The following TLR3 variants were observed in gnomAD, a reference collection of about 807,000 sequenced individuals.
TLR3 encodes toll like receptor 3, also known as toll-like receptor 3.
Under a neutral mutation model 66.4 loss-of-function variants are expected in TLR3, and 43 were observed. That is an observed-to-expected ratio of 0.65 (90% CI 0.51 to 0.83). The LOEUF is 0.83. TLR3 is among the 40% of genes least tolerant of loss of function. The pLI is 0.00. For synonymous variants in TLR3, 397 were observed against 397.2 expected (o/e 1.00, Z 0.01); for missense variants, 982 against 1,044.6 (o/e 0.94, Z 0.83).
rs2099304496 is a variant in TLR3 at position 186,087,208 on chromosome 4, A to G, written c.*2335A>G. Reference sequence around the variant, plus strand: ...CAGACCCCATTCTCCTGCCTCAGATATATCAATGACATATTCAATACATCA... The same window carrying G: ...CAGACCCCATTCTCCTGCCTCAGATGTATCAATGACATATTCAATACATCA... On this transcript the variant is annotated 3_prime_UTR_variant, in exon 5 of 5. Transcript: ENST00000296795. The G allele has an allele frequency of 6.6e-6, 1 of 152,214 alleles. No homozygotes were observed. Among genetic ancestry groups the G allele is most frequent in the Non-Finnish European group, 1.5e-5 (1 of 68,046 alleles). 9.4% of individuals were successfully genotyped at this position (152,214 alleles called of 1,614,324 possible).
Position 186,087,791 on chromosome 4 carries a change from C to A in TLR3, c.*2918C>A, listed in dbSNP as rs1349792817. 6.6e-6 allele frequency: 1 copy of A among 152,048 alleles called. No individual in the cohort carries two copies. The highest frequency in any genetic ancestry group is 2.4e-5 in the African/African-American group (1 of 41,394). 9.4% of individuals were successfully genotyped at this position (152,048 alleles called of 1,614,324 possible). On this transcript the variant is annotated 3_prime_UTR_variant, in exon 5 of 5. Transcript: ENST00000296795. ...GTGACCATTGAAAAATGTAAAGGGG[C>A]TTCAAATCAAGAACTTAGAAGGAAT...
intron 2 of TLR3, among the ~76,000 whole-genome samples, chr4:186,078,209 C>G (rs1343835011): frequency 6.6e-6 from 1 of 152,102 alleles, no homozygotes; most frequent in African/African-American, 2.4e-5. Context: ...TATCGCTTTC[C>G]CTTACCTTTT....
intron 3 of TLR3, among the ~76,000 whole-genome samples, chr4:186,079,623 T>C (rs1579728803): frequency 1.3e-5 from 2 of 152,138 alleles, no homozygotes; most frequent in East Asian, 1.9e-4. Context: ...TATAATGAAG[T>C]CAGCTTAAAT....
In TLR3 at chr4:186,086,860, A is replaced by G. The variant is rs1168897344; in HGVS notation, c.*1987A>G. On this transcript the variant is annotated 3_prime_UTR_variant, in exon 5 of 5. Transcript: ENST00000296795. ...AGGAATTGGACAAAATGCACAAAGA[A>G]TGAGGCGACAAAAGCAGAGGTTTAT... 1 of 152,218 alleles carries G rather than the reference A, an allele frequency of 6.6e-6. No individual in the cohort carries two copies. The highest frequency in any genetic ancestry group is 2.4e-5 in the African/African-American group (1 of 41,456). The allele number at this position is 152,218 out of a possible 1,614,324, so 9.4% of individuals were successfully genotyped here.
In TLR3 at chr4:186,079,160, C is replaced by T. The variant is rs574482511; in HGVS notation, c.633+129C>T. The stretch of plus-strand genomic sequence containing the variant: ...TTCCAGCAATCCTTCCCACCTACTG[C>T]TTGGGGGCATTGGTGTCATCCTCCT... On this transcript the variant is annotated intron_variant, in intron 3 of 4. Transcript: ENST00000296795. The T allele has an allele frequency of 2.9e-4, 264 of 895,130 alleles. No homozygotes were observed. In the African/African-American group the frequency reaches 4.1e-3, roughly 14 times the overall value. The allele number at this position is 895,130 out of a possible 1,614,324, so 55.4% of individuals were successfully genotyped here. A position where few individuals can be genotyped will look rare whatever the true frequency, so the allele number is the denominator to read the frequency against.
chr4:186,079,102 C>T (rs5743312), intron 3 of TLR3, 71 bp downstream of exon 3: 197,625 of 1,316,630 alleles, frequency 0.15, 15,542 homozygotes, highest in East Asian at 0.25. Flanking sequence ...GTCACATACA[C>T]AGGAATGTAA....
chr4:186,082,927 T>G lies in TLR3; in HGVS notation c.1241T>G (p.Leu414Arg). The G allele has an allele frequency of 6.2e-7, 1 of 1,614,200 alleles. No individual in the cohort carries two copies. The highest frequency in any genetic ancestry group is 2.2e-5 in the East Asian group (1 of 44,884). Residue 414 changes from leucine to arginine, a missense_variant, in exon 4 of 5, where the codon CTA becomes CGA. Coordinates refer to ENST00000296795, the MANE Select transcript of TLR3 (RefSeq NM_003265.3). ...CATTCTCCCTTACACATACTCAACC[T>G]AACCAAGAATAAAATCTCAAAAATA... The part of the protein sequence containing the change: ...LAHSPLHILN[L>R]TKNKISKIES...
In TLR3 at chr4:186,076,711, G is replaced by T; in HGVS notation, c.92G>T (p.Ser31Ile). Residue 31 changes from serine to isoleucine, a missense_variant, in exon 2 of 5, where the codon AGC (serine) becomes ATC (isoleucine). Physicochemically the swap from Ser to Ile is moderately radical, Grantham distance 142. This residue lies in a region of TLR3 where 313 missense variants were observed against 319.0 expected (regional missense o/e 0.98). Coordinates refer to ENST00000296795, the MANE Select transcript of TLR3 (RefSeq NM_003265.3). ...TCCTCCACCACCAAGTGCACTGTTA[G>T]CCATGAAGTTGCTGACTGCAGCCAC... ...CASSTTKCTV[S>I]HEVADCSHLK... 2 of 1,614,118 alleles carry T rather than the reference G, an allele frequency of 1.2e-6. No homozygotes were observed. The highest frequency in any genetic ancestry group is 1.7e-6 in the Non-Finnish European group (2 of 1,180,024).
chr4:186,084,171 A>G lies in TLR3; in HGVS notation c.2485A>G (p.Arg829Gly). ...TCTATTAAAAGACCCATTATGCAAA[A>G]GGTAGGTAAACATTGTGAAATTTTA... ...HHLLKDPLCKRFKVHHAVQQA... is the reference protein window; with the variant it reads ...HHLLKDPLCKGFKVHHAVQQA... The change falls in exon 4 of 5, where the codon AGA becomes GGA. Residue 829 changes from arginine (R) to glycine (G), a missense_variant and splice_region_variant. Physicochemically the swap from Arg to Gly is moderately radical, Grantham distance 125 (BLOSUM62 -2). Coordinates refer to ENST00000296795, the MANE Select transcript of TLR3 (RefSeq NM_003265.3). 1 of 1,613,516 alleles carries G rather than the reference A, an allele frequency of 6.2e-7. No individual in the cohort carries two copies. The highest frequency in any genetic ancestry group is 2.2e-5 in the East Asian group (1 of 44,862).
chr4:186,085,865 TTTTA>T lies in TLR3; in HGVS notation c.*996_*999del, dbSNP rs760283258. On this transcript the variant is annotated 3_prime_UTR_variant, in exon 5 of 5. Coordinates refer to ENST00000296795, the MANE Select transcript of TLR3 (RefSeq NM_003265.3). The stretch of plus-strand genomic sequence containing the variant: ...ATTTTTGTTTTTTTGTTTGTTTGTT[TTTTA>T]TTTGTTTGTTTTTGAGACAGAGTCT... The T allele has an allele frequency of 2.6e-5, 4 of 152,212 alleles. No individual in the cohort carries two copies. The highest frequency in any genetic ancestry group is 2.1e-4 in the South Asian group (1 of 4,820). 9.4% of individuals were successfully genotyped at this position (152,212 alleles called of 1,614,324 possible).
At chr4:186,074,261 G>A (rs1184338168) in intron 1 of TLR3, among the ~76,000 whole-genome samples, 1 of 152,188 alleles carries the variant, frequency 6.6e-6, no homozygotes, top group Non-Finnish European at 1.5e-5. Context: ...TCATCCTTGT[G>A]GGAACGTCAC....
intron 3 of TLR3, among the ~76,000 whole-genome samples, chr4:186,080,254 C>A (rs2099303207): frequency 6.6e-6 from 1 of 151,742 alleles, no homozygotes; most frequent in African/African-American, 2.4e-5. Flanking sequence ...ATGTTTTGTG[C>A]AAGCTCTTCA....
intron 3 of TLR3, among the ~76,000 whole-genome samples, chr4:186,079,786 TA>T (rs573016578): frequency 9.9e-5 from 15 of 152,154 alleles, no homozygotes; most frequent in Non-Finnish European, 2.1e-4. Flanking sequence ...TTCGTGAAAG[TA>T]GGAAACTACA....
Position 186,085,840 on chromosome 4 carries a change from ATTT to A in TLR3, c.*970_*972del, listed in dbSNP as rs1224318020. On this transcript the variant is annotated 3_prime_UTR_variant, in exon 5 of 5. Coordinates refer to ENST00000296795, the MANE Select transcript of TLR3 (RefSeq NM_003265.3). ...GTCCTTATCTAGAAAGACTATTTTTATTTTTGTTTTTTTGTTTGTTTGTTTTTT... is the reference window on the plus strand; with the variant it reads ...GTCCTTATCTAGAAAGACTATTTTTATTGTTTTTTTGTTTGTTTGTTTTTT... 1 of 152,016 alleles carries A rather than the reference ATTT, an allele frequency of 6.6e-6. No individual in the cohort carries two copies. Among genetic ancestry groups the A allele is most frequent in the Non-Finnish European group, 1.5e-5 (1 of 68,016 alleles). The allele number at this position is 152,016 out of a possible 1,614,324, so 9.4% of individuals were successfully genotyped here.
rs2099304141 is a variant in TLR3, at chr4:186,085,011, C to T, written c.*138C>T. On this transcript the variant is annotated 3_prime_UTR_variant, in exon 5 of 5. Transcript: ENST00000296795. ...TGATTATATTCTATCACAATTACAT[C>T]TCTTCTAGGAAAATGTGTCTCCTTA... 4 of 730,144 alleles carry T rather than the reference C, an allele frequency of 5.5e-6. No individual in the cohort carries two copies. Among genetic ancestry groups the T allele is most frequent in the East Asian group, 2.7e-5 (1 of 37,160 alleles). The allele number at this position is 730,144 out of a possible 1,614,324, so 45.2% of individuals were successfully genotyped here.
At position 186,082,841 on chromosome 4, in the gene TLR3, T is replaced by C; in HGVS notation, c.1155T>C (p.Ser385=). The C allele has an allele frequency of 6.2e-7, 1 of 1,613,732 alleles. No homozygotes were observed. Among genetic ancestry groups the C allele is most frequent in the Non-Finnish European group, 8.5e-7 (1 of 1,179,782 alleles). ...GATTGATAAACCTGAAATACTTAAG[T>C]CTATCCAACTCCTTTACAAGTTTGC... ...FTGLINLKYL[S]LSNSFTSLRT... The change falls in exon 4 of 5, where the codon AGT becomes AGC. Residue 385 remains serine, a synonymous_variant. Coordinates refer to ENST00000296795, the MANE Select transcript of TLR3 (RefSeq NM_003265.3).
At chr4:186,071,738 A>AT (rs1180967950) in intron 1 of TLR3, among the ~76,000 whole-genome samples, 1 of 152,148 alleles carries the variant, frequency 6.6e-6, no homozygotes, top group Non-Finnish European at 1.5e-5. Context: ...TAAAATCGCT[A>AT]TTTTTAAGTA....
chr4:186,086,365 T>C lies in TLR3; in HGVS notation c.*1492T>C, dbSNP rs560771754. ...CTGAATTCAGGGAGCATTTGAGATGTCACATTTTGGAACTTTGATTTAAAT... is the reference window on the plus strand; with the variant it reads ...CTGAATTCAGGGAGCATTTGAGATGCCACATTTTGGAACTTTGATTTAAAT... On this transcript the variant is annotated 3_prime_UTR_variant, in exon 5 of 5. Coordinates refer to ENST00000296795, the MANE Select transcript of TLR3 (RefSeq NM_003265.3). The C allele has an allele frequency of 6.6e-6, 1 of 152,306 alleles. No individual in the cohort carries two copies. The highest frequency in any genetic ancestry group is 2.1e-4 in the South Asian group (1 of 4,830). The allele number at this position is 152,306 out of a possible 1,614,324, so 9.4% of individuals were successfully genotyped here. A position where few individuals can be genotyped will look rare whatever the true frequency, so the allele number is the denominator to read the frequency against.
Position 186,082,474 on chromosome 4 carries a change from C to T in TLR3, c.788C>T (p.Thr263Ile), listed in dbSNP as rs901201199. The T allele has an allele frequency of 6.2e-7, 1 of 1,614,042 alleles. No homozygotes were observed. Among genetic ancestry groups the T allele is most frequent in the Admixed American group, 1.7e-5 (1 of 60,002 alleles). ...LSLSNSQLSTTSNTTFLGLKW... is the reference protein window; with the variant it reads ...LSLSNSQLSTISNTTFLGLKW... ...CTGAGTAACAGCCAGCTGTCCACCA[C>T]CAGCAATACAACTTTCTTGGGACTA... The change falls in exon 4 of 5, where the codon ACC becomes ATC. Residue 263 changes from threonine (T) to isoleucine (I), a missense_variant. Physicochemically the swap from Thr to Ile is moderately conservative, Grantham distance 89 (BLOSUM62 -1). Transcript: ENST00000296795.
Sources: allele counts gnomAD v4.1 joint callset (sites outside exome capture counted in the v4.1 genomes callset), GRCh38; gene constraint gnomAD v4.1.1; regional missense constraint gnomAD v4.1.1; transcripts MANE v1.5; gene names NCBI Gene and HGNC (gene_info 2026-07-23, HGNC 2026-07-21).